Variants in BCL11A observed in about 807,000 individuals in gnomAD.
BCL11A encodes BCL11 transcription factor A, also known as B cell CLL/lymphoma 11A.
Under a neutral mutation model 55.9 loss-of-function variants are expected in BCL11A, and 2 were observed. The observed-to-expected ratio is 0.04, with a 90% CI of 0.01 to 0.11. The LOEUF is 0.11. Among genes scored for constraint, BCL11A ranks in the 10% least tolerant of loss-of-function variants. BCL11A has a pLI of 1.00. For synonymous variants in BCL11A, 465 were observed against 473.4 expected (o/e 0.98, Z 0.23); for missense variants, 817 against 1,137.1 (o/e 0.72, Z 4.05).
chr2:60,465,345 T>G (rs1047292383), intron 3 of BCL11A, among the ~76,000 whole-genome samples: 1 of 152,250 alleles, frequency 6.6e-6, no homozygotes, highest in Non-Finnish European at 1.5e-5. Context: ...CTTCATTTAC[T>G]CTGATGAAAA....
intron 2 of BCL11A, among the ~76,000 whole-genome samples, chr2:60,521,435 G>A (rs1252909839): frequency 6.6e-6 from 1 of 152,218 alleles, no homozygotes; most frequent in Non-Finnish European, 1.5e-5. Context: ...AGCAGATACG[G>A]CAGAGACGAG....
At chr2:60,497,655 A>G (rs1331363589) in intron 2 of BCL11A, among the ~76,000 whole-genome samples, 1 of 152,046 alleles carries the variant, frequency 6.6e-6, no homozygotes, top group Non-Finnish European at 1.5e-5. Flanking sequence ...CTTCCACTGG[A>G]TGGCACTTTG....
At chr2:60,507,776 G>C (rs947101826) in intron 2 of BCL11A, among the ~76,000 whole-genome samples, 3 of 152,068 alleles carry the variant, frequency 2.0e-5, no homozygotes, top group Non-Finnish European at 2.9e-5. Context: ...GGGGCGACGG[G>C]TGCGGGGAGA....
intron 1 of BCL11A, among the ~76,000 whole-genome samples, chr2:60,549,491 C>G (rs988991818): frequency 1.3e-5 from 2 of 152,222 alleles, no homozygotes; most frequent in African/African-American, 4.8e-5. Flanking sequence ...GCAGGGGCCC[C>G]GGCAAGGGTG....
At chr2:60,471,383 C>G (rs559449888) in intron 2 of BCL11A, among the ~76,000 whole-genome samples, 1 of 152,350 alleles carries the variant, frequency 6.6e-6, no homozygotes, top group East Asian at 1.9e-4. Flanking sequence ...CAACTGGGGA[C>G]CCCAGCTGAT....
At chr2:60,467,204 G>GTGA (rs1676723714) in intron 3 of BCL11A, among the ~76,000 whole-genome samples, 2 of 121,016 alleles carry the variant, frequency 1.7e-5, no homozygotes, top group Non-Finnish European at 3.6e-5. Flanking sequence ...GGTGGTGATG[G>GTGA]CGGTGATGGT....
At chr2:60,467,640 T>A (rs369255477) in intron 3 of BCL11A, among the ~76,000 whole-genome samples, 6 of 81,632 alleles carry the variant, frequency 7.4e-5, no homozygotes, top group Admixed American at 2.3e-4. Flanking sequence ...GTGGTGGTGG[T>A]GATGGTGGTG....
intron 2 of BCL11A, among the ~76,000 whole-genome samples, chr2:60,538,900 T>C (rs1036381976): frequency 6.6e-6 from 1 of 152,158 alleles, no homozygotes; most frequent in Non-Finnish European, 1.5e-5. Context: ...AAATTTTAAA[T>C]ATTCAAACGC....
intron 1 of BCL11A, among the ~76,000 whole-genome samples, chr2:60,548,288 C>T (rs770256347): frequency 1.0e-4 from 15 of 148,952 alleles, no homozygotes; most frequent in Non-Finnish European, 2.1e-4. Flanking sequence ...GTACATAGAA[C>T]CTTTGCAAAA....
chr2:60,482,246 A>T (rs1356900089), intron 2 of BCL11A, among the ~76,000 whole-genome samples: 2 of 151,946 alleles, frequency 1.3e-5, no homozygotes, highest in African/African-American at 2.4e-5. Flanking sequence ...AAAAAAAAAA[A>T]TTGGAGCTGT....
chr2:60,494,755 T>C (rs1449289084), intron 2 of BCL11A, among the ~76,000 whole-genome samples: 2 of 152,168 alleles, frequency 1.3e-5, no homozygotes, highest in Non-Finnish European at 2.9e-5. Context: ...TAGAGCAGAG[T>C]AAGTGCTCCG....
intron 2 of BCL11A, chr2:60,537,000 T>C (rs1347455519): frequency 1.3e-5 from 2 of 152,252 alleles, no homozygotes; most frequent in African/African-American, 2.4e-5. Flanking sequence ...AATCCACTTG[T>C]ATGTAGAATA....
At chr2:60,487,750 T>A (rs1167402435) in intron 2 of BCL11A, among the ~76,000 whole-genome samples, 1 of 152,248 alleles carries the variant, frequency 6.6e-6, no homozygotes, top group Non-Finnish European at 1.5e-5. Context: ...TTAATTTTAA[T>A]GCGGTAATTT....
chr2:60,454,539 T>C (rs2103759062), downstream of BCL11A, among the ~76,000 whole-genome samples: 1 of 152,120 alleles, frequency 6.6e-6, no homozygotes, highest in African/African-American at 2.4e-5. Flanking sequence ...AGAATCGTAA[T>C]GAGGAACACA....
chr2:60,552,184 G>C (rs1303571579), intron 1 of BCL11A, among the ~76,000 whole-genome samples: 1 of 151,802 alleles, frequency 6.6e-6, no homozygotes, highest in East Asian at 1.9e-4. Context: ...ACAGAAAAGG[G>C]TTGGCAGAGC....
In BCL11A at chr2:60,458,309, T is replaced by C; in HGVS notation, c.*2095A>G. On this transcript the variant is annotated 3_prime_UTR_variant, in exon 4 of 4. Transcript: ENST00000642384. ...TTTACAACCTGAAGAGCGGTGTGTA[T>C]CCAAGGCATAGAATTTCCACTACCA... 1 of 1,027,146 alleles carries C rather than the reference T, an allele frequency of 9.7e-7. No homozygotes were observed. The highest frequency in any genetic ancestry group is 1.2e-6 in the Non-Finnish European group (1 of 855,052). The allele number at this position is 1,027,146 out of a possible 1,614,324, so 63.6% of individuals were successfully genotyped here. A position where few individuals can be genotyped will look rare whatever the true frequency, so the allele number is the denominator to read the frequency against.
intron 2 of BCL11A, chr2:60,537,174 CCTT>C (rs1669704587): frequency 1.0e-5 from 1 of 97,180 alleles, no homozygotes; most frequent in Non-Finnish European, 2.5e-5. Flanking sequence ...ATTTTTTTCT[CCTT>C]AACATAACAA....
Position 60,553,253 on chromosome 2 carries a change from T to C in BCL11A, c.18A>G (p.Gln6=). 1.3e-6 allele frequency: 2 copies of C among 1,592,012 alleles called. No individual in the cohort carries two copies. The highest frequency in any genetic ancestry group is 1.7e-6 in the Non-Finnish European group (2 of 1,173,344). Residue 6 remains glutamine (Q), a synonymous_variant, in exon 1 of 4, where the codon CAA becomes CAG. Transcript: ENST00000642384. The part of the protein sequence containing the change: MSRRK[Q]GKPQHLSKRE... The stretch of plus-strand genomic sequence containing the variant: ...GTTTGCTTAAGTGCTGGGGTTTGCC[T>C]TGCTTGCGGCGAGACATGGTGGGCT...
chr2:60,548,378 G>C (rs1670248753), intron 1 of BCL11A, among the ~76,000 whole-genome samples: 1 of 149,644 alleles, frequency 6.7e-6, no homozygotes, highest in Non-Finnish European at 1.5e-5. Flanking sequence ...TCTAAAAGTG[G>C]GAATATTATT....
Sources: gnomAD v4.1 joint callset for allele counts (sites outside exome capture counted in the v4.1 genomes callset) on GRCh38, gnomAD v4.1.1 for gene constraint, MANE v1.5 for transcripts, NCBI Gene and HGNC (gene_info 2026-07-23, HGNC 2026-07-21) for gene names.